The following SPATA6L variants were observed in gnomAD, a reference collection of about 807,000 sequenced individuals.
SPATA6L encodes spermatogenesis associated 6-like protein.
SPATA6L carries 68 observed loss-of-function variants against 49.2 expected under a neutral mutation model. The observed-to-expected ratio is 1.38, with a 90% CI of 1.14 to 1.69. The LOEUF (loss-of-function observed/expected upper bound fraction) is 1.69. Among genes scored for constraint, SPATA6L ranks in the 40% most tolerant of loss-of-function variants. The pLI, the probability that SPATA6L is intolerant of heterozygous loss-of-function variation, is 0.00. For missense variants in SPATA6L, 668 were observed against 464.3 expected, an observed-to-expected ratio of 1.44 and a Z score of -4.03; for synonymous variants, 198 against 165.7, an observed-to-expected ratio of 1.19 and a Z score of -1.50.
Position 4,618,914 on chromosome 9 carries a change from A to G in SPATA6L, c.773-16T>C. 6.2e-7 allele frequency: 1 copy of G among 1,612,930 alleles called. No individual in the cohort carries two copies. Among genetic ancestry groups the G allele is most frequent in the Non-Finnish European group, 8.5e-7 (1 of 1,179,090 alleles). ...AGAGAAGAAGCTAGAAGAAAGAGGA[A>G]CAGGCATTTCAATGACTCATTATTA... is the stretch of plus-strand genomic sequence containing the variant. On this transcript the variant is annotated splice_polypyrimidine_tract_variant and intron_variant, in intron 7 of 11. Transcript: ENST00000682582.
At chr9:4,660,490 T>C (rs1226083789) in intron 2 of SPATA6L, among the ~76,000 whole-genome samples, 1 of 152,178 alleles carries the variant, frequency 6.6e-6, no homozygotes, top group Non-Finnish European at 1.5e-5. Context: ...AGATACCATC[T>C]CACACAGTTA....
At chr9:4,601,715 G>T (rs1302450723) in intron 11 of SPATA6L, among the ~76,000 whole-genome samples, 1 of 152,190 alleles carries the variant, frequency 6.6e-6, no homozygotes, top group Non-Finnish European at 1.5e-5. Flanking sequence ...CATTAGAAGA[G>T]AGTCCTCAAG....
intron 3 of SPATA6L, among the ~76,000 whole-genome samples, chr9:4,638,303 C>A (rs1272487842): frequency 6.6e-6 from 1 of 152,132 alleles, no homozygotes; most frequent in Non-Finnish European, 1.5e-5. Context: ...CCTCTGCCTC[C>A]TGGGTTCAAG....
Position 4,617,952 on chromosome 9 carries a change from G to C in SPATA6L, c.966C>G (p.Gly322=), listed in dbSNP as rs1828394338. The C allele has an allele frequency of 6.2e-7, 1 of 1,613,856 alleles. No individual in the cohort carries two copies. The highest frequency in any genetic ancestry group is 1.1e-5 in the South Asian group (1 of 90,982). The part of the protein sequence containing the change: ...FATYQHSTSP[G]PLDQPLLRER... The stretch of plus-strand genomic sequence containing the variant: ...CTCTGAGAAGGGGCTGATCCAAGGG[G>C]CCAGGAGAGGTGGAATGCTGGTAGG... The change falls in exon 9 of 12, where the codon GGC becomes GGG. Residue 322 remains glycine (G), a synonymous_variant. Coordinates refer to ENST00000682582, the MANE Select transcript of SPATA6L (RefSeq NM_001353486.2).
chr9:4,638,280 T>G (rs959761965), intron 3 of SPATA6L, among the ~76,000 whole-genome samples: 6 of 152,190 alleles, frequency 3.9e-5, no homozygotes, highest in African/African-American at 1.4e-4. Context: ...GGCACAGTTT[T>G]GGCTCACTGC....
chr9:4,613,405 ACTCCAGCTCT>A, intron 9 of SPATA6L, among the ~76,000 whole-genome samples: 1 of 151,756 alleles, frequency 6.6e-6, no homozygotes, highest in Admixed American at 6.6e-5. Flanking sequence ...CCAGGCCTCC[ACTCCAGCTCT>A]CTCTGTGACA....
chr9:4,614,413 T>A (rs936512681), intron 9 of SPATA6L, among the ~76,000 whole-genome samples: 27 of 152,180 alleles, frequency 1.8e-4, no homozygotes, highest in Admixed American at 2.0e-4. Context: ...TGCACCCTTG[T>A]GAACTGGACA....
intron 4 of SPATA6L, chr9:4,633,845 T>A (rs1832188257): frequency 6.6e-6 from 1 of 152,228 alleles, no homozygotes; most frequent in African/African-American, 2.4e-5. Flanking sequence ...TTTATTTTGC[T>A]TTATAGAATG....
intron 3 of SPATA6L, among the ~76,000 whole-genome samples, chr9:4,644,159 C>A (rs1036407581): frequency 8.3e-6 from 1 of 119,980 alleles, no homozygotes; most frequent in African/African-American, 3.3e-5. Context: ...CCAGCCTAGG[C>A]AACATAGTAA....
intron 3 of SPATA6L, among the ~76,000 whole-genome samples, chr9:4,653,765 CAAAACA>C (rs1020722734): frequency 2.0e-5 from 3 of 151,940 alleles, no homozygotes; most frequent in African/African-American, 2.4e-5. Context: ...CCTGTCTCTA[CAAAACA>C]AAAACAAAAA....
At chr9:4,659,813 A>T (rs1839186477) in intron 2 of SPATA6L, among the ~76,000 whole-genome samples, 2 of 152,254 alleles carry the variant, frequency 1.3e-5, no homozygotes, top group Admixed American at 1.3e-4. Flanking sequence ...ACAGCACAGT[A>T]CTGGTACCAA....
At chr9:4,637,309 G>C (rs941223867) in intron 3 of SPATA6L, among the ~76,000 whole-genome samples, 2 of 152,032 alleles carry the variant, frequency 1.3e-5, no homozygotes, top group African/African-American at 4.8e-5. Flanking sequence ...AACAGGCTTG[G>C]TTTAAATGTC....
At chr9:4,597,513 C>T (rs1293875293), downstream of SPATA6L, among the ~76,000 whole-genome samples, 1 of 152,198 alleles carries the variant, frequency 6.6e-6, no homozygotes, top group Non-Finnish European at 1.5e-5. Context: ...GACCCATCTG[C>T]ACCATGTAAA....
At chr9:4,631,766 T>G (rs10974675) in intron 4 of SPATA6L, among the ~76,000 whole-genome samples, 23,406 of 152,104 alleles carry the variant, frequency 0.15, 2,987 homozygotes, top group East Asian at 0.33. Context: ...TGGGCTGAAA[T>G]AAATATGAGA....
chr9:4,635,135 G>T, intron 4 of SPATA6L, 140 bp downstream of exon 4: 1 of 796,194 alleles, frequency 1.3e-6, no homozygotes, highest in Non-Finnish European at 1.8e-6. Flanking sequence ...GGTACCTTGA[G>T]TTGGGCATCA....
In SPATA6L at chr9:4,604,258, G is replaced by C; in HGVS notation, c.1101C>G (p.Thr367=). 2 of 1,606,418 alleles carry C rather than the reference G, an allele frequency of 1.2e-6. No individual in the cohort carries two copies. Among genetic ancestry groups the C allele is most frequent in the South Asian group, 1.1e-5 (1 of 90,666 alleles). The stretch of plus-strand genomic sequence containing the variant: ...TTTCAATGATATAATTTACTTCAGA[G>C]GTAGAATCTTCCTACAATAAAAACA... ...AQLHQNKEDS[T]SEVNYIIERP... Residue 367 remains threonine, a synonymous_variant, in exon 11 of 12, where the codon ACC becomes ACG. Transcript: ENST00000682582.
At chr9:4,627,952 C>T (rs1049137416) in intron 5 of SPATA6L, 5 of 507,174 alleles carry the variant, frequency 9.9e-6, no homozygotes, top group Admixed American at 2.9e-5. Context: ...CTTGCAACAA[C>T]GTGGATGGAA....
chr9:4,650,727 T>C (rs1488445371), intron 3 of SPATA6L, among the ~76,000 whole-genome samples: 2 of 152,068 alleles, frequency 1.3e-5, no homozygotes, highest in Non-Finnish European at 2.9e-5. Context: ...TGGCACAATC[T>C]CAGTTCACTG....
chr9:4,648,133 C>G (rs1298907438), intron 3 of SPATA6L, among the ~76,000 whole-genome samples: 1 of 152,028 alleles, frequency 6.6e-6, no homozygotes, highest in Admixed American at 6.6e-5. Context: ...CTGTGCCCAG[C>G]CATGAAAACA....
Sources: gnomAD v4.1 joint callset for allele counts (sites outside exome capture counted in the v4.1 genomes callset) on GRCh38, gnomAD v4.1.1 for gene constraint, MANE v1.5 for transcripts, NCBI Gene and HGNC (gene_info 2026-07-23, HGNC 2026-07-21) for gene names.